NPIPB6: variants seen among roughly 807,000 people sequenced by gnomAD.
The protein encoded by NPIPB6 is nuclear pore complex interacting protein family member B6.
In NPIPB6, 2 loss-of-function variants were observed where a neutral mutation model predicts 20.0. That is an observed-to-expected ratio of 0.10 (90% CI 0.04 to 0.31). The LOEUF is 0.31. NPIPB6 is among the 10% of genes least tolerant of loss of function. The pLI is 1.00. For missense variants in NPIPB6, 96 were observed against 293.7 expected (o/e 0.33, Z 4.92); for synonymous variants, 35 against 116.3 (o/e 0.30, Z 4.50).
chr16:28,361,680 C>T (rs1356089553), intron 1 of NPIPB6, among the ~76,000 whole-genome samples: 1 of 148,988 alleles, frequency 6.7e-6, no homozygotes, highest in Non-Finnish European at 1.5e-5. Context: ...AAGGTTGTGC[C>T]ACTGCACTCC....
exon 7 of NPIPB6, chr16:28,342,867 C>G (rs1183603367): frequency 3.2e-6 from 5 of 1,560,602 alleles, no homozygotes. Context: ...TTGAGATTAT[C>G]ATCCACTGAG....
chr16:28,342,742 C>G (rs749199044), exon 7 of NPIPB6: 12 of 1,567,044 alleles, frequency 7.7e-6, no homozygotes, highest in East Asian at 2.4e-5. Flanking sequence ...ATTGTTCCAC[C>G]TCATCCACCC....
chr16:28,361,714 CTG>C (rs2045437694), intron 1 of NPIPB6, among the ~76,000 whole-genome samples: 1 of 144,252 alleles, frequency 6.9e-6, no homozygotes, highest in Non-Finnish European at 1.5e-5. Flanking sequence ...GAGTGAAACT[CTG>C]TCTCTCTCTC....
At position 28,362,864 on chromosome 16, in the gene NPIPB6, T is replaced by C. The variant is rs1231727550; in HGVS notation, c.-42A>G. 6.0e-6 allele frequency: 8 copies of C among 1,339,670 alleles called. No homozygotes were observed. The African/African-American group carries it at 1.2e-4, about 20-fold the overall frequency. The allele number at this position is 1,339,670 out of a possible 1,614,324, so 83.0% of individuals were successfully genotyped here. ...GGGGCTCATCATGAGTGCCAACCTATTAGATAATTTAAAAAAATAGTGTTG... is the reference window on the plus strand; with the variant it reads ...GGGGCTCATCATGAGTGCCAACCTACTAGATAATTTAAAAAAATAGTGTTG... On this transcript the variant is annotated 5_prime_UTR_variant, in exon 1 of 7. Transcript: ENST00000532254.
At position 28,347,285 on chromosome 16, in the gene NPIPB6, CA is replaced by C. The variant is rs1390260209; in HGVS notation, c.599+1548del. Among the ~76,000 whole-genome samples, 2 of 120,256 alleles carry C rather than the reference CA, an allele frequency of 1.7e-5. 1 individual carries two copies. The highest frequency in any genetic ancestry group is 3.9e-5 in the Non-Finnish European group (2 of 51,440). The allele number at this position is 120,256 out of a possible 152,430, so 78.9% of individuals were successfully genotyped here. A position where few individuals can be genotyped will look rare whatever the true frequency, so the allele number is the denominator to read the frequency against. On this transcript the variant is annotated intron_variant, in intron 4 of 6. Coordinates refer to ENST00000532254, the Ensembl canonical transcript of NPIPB6. ...AAGGAACTACTGAGATGTAAAGAAG[CA>C]CAGCAGCTTTTGCACACATGCGTGG... is the stretch of plus-strand genomic sequence containing the variant.
At position 28,348,236 on chromosome 16, in the gene NPIPB6, A is replaced by C. The variant is rs1346733349; in HGVS notation, c.599+598T>G. On this transcript the variant is annotated intron_variant, in intron 4 of 6. Coordinates refer to ENST00000532254, the Ensembl canonical transcript of NPIPB6. ...TTGCAGTGAGCCAAGATTGCACCAT[A>C]GCACTCCAGCCAGGGCGACAGAGCG... 2.6e-5 allele frequency among the ~76,000 whole-genome samples: 3 copies of C among 113,394 alleles called. 1 individual carries two copies. The highest frequency in any genetic ancestry group is 5.9e-5 in the Non-Finnish European group (3 of 50,988). 74.4% of individuals were successfully genotyped at this position (113,394 alleles called of 152,430 possible).
At chr16:28,342,854 G>A (rs1378310757) in exon 7 of NPIPB6, 4 of 1,559,474 alleles carry the variant, frequency 2.6e-6, no homozygotes, top group Non-Finnish European at 3.5e-6. Context: ...TAAGGGAGGA[G>A]TCTTGAGATT....
chr16:28,343,054 G>A lies in NPIPB6; in HGVS notation c.831C>T (p.Asn277=), dbSNP rs1567227425. The A allele has an allele frequency of 2.1e-6, 3 of 1,456,116 alleles. 1 individual carries two copies. Among genetic ancestry groups the A allele is most frequent in the Non-Finnish European group, 2.8e-6 (3 of 1,062,658 alleles). 90.2% of individuals were successfully genotyped at this position (1,456,116 alleles called of 1,614,324 possible). A position where few individuals can be genotyped will look rare whatever the true frequency, so the allele number is the denominator to read the frequency against. ...CAGTAGGTGTCTTGAGGCTCAGGGAGTTATCAGTTATAGAATGTTGTTGAG... is the reference window on the plus strand; with the variant it reads ...CAGTAGGTGTCTTGAGGCTCAGGGAATTATCAGTTATAGAATGTTGTTGAG... The change falls in exon 7 of 7, where the codon AAC becomes AAT. Residue 277 remains asparagine (N), a synonymous_variant. Transcript: ENST00000532254.
At chr16:28,361,796 A>G (rs2045445150) in intron 1 of NPIPB6, among the ~76,000 whole-genome samples, 1 of 143,198 alleles carries the variant, frequency 7.0e-6, no homozygotes, top group Non-Finnish European at 1.5e-5. Context: ...GTATCTATAT[A>G]AATCTCAAAA....
chr16:28,351,110 AT>A (rs2045220674), intron 2 of NPIPB6, among the ~76,000 whole-genome samples: 1 of 104,526 alleles, frequency 9.6e-6, no homozygotes, highest in African/African-American at 2.9e-5. Context: ...CTACTACTAG[AT>A]TTCATAGGAA....
At chr16:28,346,198 T>C (rs536936443) in intron 4 of NPIPB6, 1 of 811,462 alleles carries the variant, frequency 1.2e-6, no homozygotes, top group East Asian at 1.3e-4. Context: ...GGGGTCAATC[T>C]TGTGCTTGAC....
rs57988390 is a variant in NPIPB6 at position 28,348,109 on chromosome 16, C to CA, written c.599+724dup. On this transcript the variant is annotated intron_variant, in intron 4 of 6. Transcript: ENST00000532254. ...TGGGTGACAGAGTGAGACTCTGTCT[C>CA]AAAAAAAAAAAAAAAAAATTGGCCG... 4.0e-3 allele frequency among the ~76,000 whole-genome samples: 250 copies of CA among 62,942 alleles called. 1 individual carries two copies. The highest frequency in any genetic ancestry group is 0.021 in the South Asian group (46 of 2,158). The allele number at this position is 62,942 out of a possible 152,430, so 41.3% of individuals were successfully genotyped here. A position where few individuals can be genotyped will look rare whatever the true frequency, so the allele number is the denominator to read the frequency against.
intron 1 of NPIPB6, among the ~76,000 whole-genome samples, chr16:28,359,060 T>G (rs1256697690): frequency 1.0e-5 from 1 of 99,940 alleles, no homozygotes. Flanking sequence ...CCAGCCTGGG[T>G]AACAGAATGG....
chr16:28,361,655 A>G (rs1399349519), intron 1 of NPIPB6, among the ~76,000 whole-genome samples: 1 of 149,076 alleles, frequency 6.7e-6, no homozygotes, highest in African/African-American at 2.4e-5. Context: ...CGGGAGACAG[A>G]GGTTGCAGTG....
At chr16:28,359,039 A>G (rs1346362951) in intron 1 of NPIPB6, among the ~76,000 whole-genome samples, 5 of 116,572 alleles carry the variant, frequency 4.3e-5, no homozygotes, top group Admixed American at 1.8e-4. Context: ...CCGAGATCGT[A>G]CCATTGCACT....
chr16:28,348,488 G>T lies in NPIPB6; in HGVS notation c.599+346C>A, dbSNP rs2141613974. Among the ~76,000 whole-genome samples, 2 of 99,298 alleles carry T rather than the reference G, an allele frequency of 2.0e-5. 1 individual carries two copies. Among genetic ancestry groups the T allele is most frequent in the East Asian group, 5.6e-4 (2 of 3,602 alleles). The allele number at this position is 99,298 out of a possible 152,430, so 65.1% of individuals were successfully genotyped here. ...CCAGCTACTTGGGAGGCTGAGGCAG[G>T]AGAATTGCTTGAAGCCAAAAGGCAG... On this transcript the variant is annotated intron_variant, in intron 4 of 6. Coordinates refer to ENST00000532254, the Ensembl canonical transcript of NPIPB6.
At chr16:28,362,340 C>T (rs1323913101) in intron 1 of NPIPB6, among the ~76,000 whole-genome samples, 6 of 149,342 alleles carry the variant, frequency 4.0e-5, no homozygotes, top group African/African-American at 1.5e-4. Flanking sequence ...TCAGGTGATC[C>T]ACCAGCCTCA....
chr16:28,343,196 G>A lies in NPIPB6; in HGVS notation c.697-8C>T, dbSNP rs766634066. 6.3e-7 allele frequency: 1 copy of A among 1,584,280 alleles called. No homozygotes were observed. The highest frequency in any genetic ancestry group is 8.5e-7 in the Non-Finnish European group (1 of 1,173,396). The stretch of plus-strand genomic sequence containing the variant: ...CGCTGCCACCATTCTGACCTGTAGG[G>A]CCAAAGGAGGGAATGTTTTCACACA... On this transcript the variant is annotated splice_polypyrimidine_tract_variant and splice_region_variant and intron_variant, in intron 6 of 6. Coordinates refer to ENST00000532254, the Ensembl canonical transcript of NPIPB6.
chr16:28,349,568 C>T (rs1039232493), intron 2 of NPIPB6, among the ~76,000 whole-genome samples: 1 of 102,886 alleles, frequency 9.7e-6, no homozygotes, highest in African/African-American at 3.5e-5. Context: ...CACACACACA[C>T]ACACACACAC....
Sources: allele counts gnomAD v4.1 joint callset (sites outside exome capture counted in the v4.1 genomes callset), GRCh38; gene constraint gnomAD v4.1.1; transcripts MANE v1.5; gene names NCBI Gene and HGNC (gene_info 2026-07-23, HGNC 2026-07-21).